EPHA5: variants seen among roughly 807,000 people sequenced by gnomAD.
EPHA5 encodes EPH receptor A5.
Under a neutral mutation model 105.0 loss-of-function variants are expected in EPHA5, and 60 were observed. The ratio of observed to expected loss-of-function variants is 0.57; its 90% confidence interval spans 0.46 to 0.71. The LOEUF (loss-of-function observed/expected upper bound fraction) is 0.71, where lower values mean the gene tolerates loss of function less well. Ranked by LOEUF, EPHA5 falls within the 30% of genes least tolerant of loss-of-function variation. EPHA5 has a pLI of 0.00. For synonymous variants in EPHA5, 513 were observed against 449.1 expected, an observed-to-expected ratio of 1.14 and a Z score of -1.80; for missense variants, 1,218 against 1,274.7, an observed-to-expected ratio of 0.96 and a Z score of 0.68.
chr4:65,664,200 C>T (rs1749774217), intron 1 of EPHA5, among the ~76,000 whole-genome samples: 2 of 151,784 alleles, frequency 1.3e-5, no homozygotes, highest in Admixed American at 1.3e-4. Context: ...AAAAATAGAT[C>T]ATTCATATTT....
chr4:65,589,980 A>G (rs1299501401), intron 3 of EPHA5, among the ~76,000 whole-genome samples: 2 of 152,194 alleles, frequency 1.3e-5, no homozygotes, highest in Admixed American at 6.6e-5. Context: ...AATACTTTGA[A>G]TTCATCAGAG....
chr4:65,505,084 AT>A (rs1414023137), intron 3 of EPHA5, among the ~76,000 whole-genome samples: 1 of 152,050 alleles, frequency 6.6e-6, no homozygotes, highest in East Asian at 1.9e-4. Context: ...TTGGTTACAT[AT>A]TTCCCACTTC....
chr4:65,620,677 A>G (rs1451147281), intron 2 of EPHA5, among the ~76,000 whole-genome samples: 1 of 152,164 alleles, frequency 6.6e-6, no homozygotes, highest in East Asian at 1.9e-4. Context: ...TTGAAAGGTT[A>G]TATATTTATT....
intron 2 of EPHA5, among the ~76,000 whole-genome samples, chr4:65,627,837 T>C (rs1373818088): frequency 6.6e-6 from 1 of 152,182 alleles, no homozygotes; most frequent in Admixed American, 6.5e-5. Context: ...ATAATTCTAG[T>C]GTTAATATCT....
At chr4:65,329,715 C>A (rs976894569) in intron 16 of EPHA5, among the ~76,000 whole-genome samples, 1 of 150,742 alleles carries the variant, frequency 6.6e-6, no homozygotes, top group East Asian at 2.0e-4. Flanking sequence ...AAAGACTATG[C>A]GTGAAAAATC....
At chr4:65,362,866 T>C (rs79465299) in intron 11 of EPHA5, among the ~76,000 whole-genome samples, 2,382 of 151,772 alleles carry the variant, frequency 0.016, 61 homozygotes, top group African/African-American at 0.055. Context: ...CATACATTTT[T>C]TAGCTAGAGA....
intron 3 of EPHA5, among the ~76,000 whole-genome samples, chr4:65,521,495 C>G (rs537382123): frequency 1.2e-4 from 19 of 152,066 alleles, no homozygotes; most frequent in African/African-American, 4.3e-4. Flanking sequence ...TCACATTGTC[C>G]ACATGTACCC....
chr4:65,417,453 C>A (rs1723497518), intron 6 of EPHA5, among the ~76,000 whole-genome samples: 1 of 152,148 alleles, frequency 6.6e-6, no homozygotes, highest in Admixed American at 6.5e-5. Context: ...ATTTGGCTCA[C>A]ACACGATGGT....
chr4:65,376,822 C>T (rs754306134), intron 8 of EPHA5, among the ~76,000 whole-genome samples: 15 of 151,920 alleles, frequency 9.9e-5, no homozygotes, highest in Non-Finnish European at 1.5e-4. Flanking sequence ...GGATGATGTG[C>T]CATATGTATA....
chr4:65,515,362 C>T (rs1036661642), intron 3 of EPHA5, among the ~76,000 whole-genome samples: 2 of 152,138 alleles, frequency 1.3e-5, no homozygotes, highest in African/African-American at 2.4e-5. Flanking sequence ...GCAAAACCAG[C>T]TTACCAATTC....
At chr4:65,609,776 C>A (rs1001910828) in intron 2 of EPHA5, among the ~76,000 whole-genome samples, 1 of 150,992 alleles carries the variant, frequency 6.6e-6, no homozygotes, top group African/African-American at 2.4e-5. Flanking sequence ...AGTAGCATAT[C>A]AGATAAAATA....
intron 7 of EPHA5, among the ~76,000 whole-genome samples, chr4:65,406,090 C>T (rs1047877258): frequency 7.9e-5 from 12 of 152,098 alleles, no homozygotes; most frequent in Admixed American, 4.6e-4. Flanking sequence ...TTCCCACTTC[C>T]CACATTTGAG....
intron 5 of EPHA5, among the ~76,000 whole-genome samples, chr4:65,465,530 AAGAAAGGAAAGGAAGGAAAGGAAG>A (rs757299405): frequency 0.058 from 5,016 of 86,014 alleles, 89 homozygotes; most frequent in South Asian, 0.078. Flanking sequence ...AAAGAAAGAA[AAGAAAGGAAAGGAAGGAAAGGAAG>A]GAAAGGAAGG....
At chr4:65,556,492 T>C (rs1046383896) in intron 3 of EPHA5, among the ~76,000 whole-genome samples, 1 of 152,136 alleles carries the variant, frequency 6.6e-6, no homozygotes, top group Non-Finnish European at 1.5e-5. Context: ...CATTGAGATA[T>C]ATGGAATTCA....
At chr4:65,344,954 A>T (rs1722076250) in intron 14 of EPHA5, among the ~76,000 whole-genome samples, 1 of 152,214 alleles carries the variant, frequency 6.6e-6, no homozygotes, top group Non-Finnish European at 1.5e-5. Context: ...AGATACAAAA[A>T]TTTTGGAGAA....
chr4:65,533,035 CTCAG>C (rs1375845837), intron 3 of EPHA5, among the ~76,000 whole-genome samples: 3 of 152,098 alleles, frequency 2.0e-5, no homozygotes, highest in Non-Finnish European at 4.4e-5. Context: ...GTGGCACACA[CTCAG>C]TCAAACTTTC....
intron 3 of EPHA5, among the ~76,000 whole-genome samples, chr4:65,515,545 T>C (rs1054384259): frequency 5.3e-5 from 8 of 152,160 alleles, no homozygotes; most frequent in Non-Finnish European, 7.4e-5. Flanking sequence ...ATCTTACACA[T>C]CTTTTGTTGA....
At chr4:65,615,099 G>A (rs1406043905) in intron 2 of EPHA5, among the ~76,000 whole-genome samples, 1 of 151,536 alleles carries the variant, frequency 6.6e-6, no homozygotes, top group East Asian at 1.9e-4. Flanking sequence ...AAGTGATAAA[G>A]TATAAAATGA....
Position 65,607,572 on chromosome 4 carries a change from T to C in EPHA5, c.247-5268A>G, listed in dbSNP as rs775207037. Among the ~76,000 whole-genome samples the C allele has an allele frequency of 4.2e-4, 64 of 152,056 alleles. 1 individual carries two copies. Among genetic ancestry groups the C allele is most frequent in the Non-Finnish European group, 7.2e-4 (49 of 67,972 alleles). ...AAGACATTTATGCAGCCAACAAATA[T>C]GCGAAAAAAAGCTCATCATCACTTG... On this transcript the variant is annotated intron_variant, in intron 2 of 16. Transcript: ENST00000613740.
Sources: gnomAD v4.1 joint callset for allele counts (sites outside exome capture counted in the v4.1 genomes callset) on GRCh38, gnomAD v4.1.1 for gene constraint, MANE v1.5 for transcripts, NCBI Gene and HGNC (gene_info 2026-07-23, HGNC 2026-07-21) for gene names.